ABCC2: variants seen among roughly 807,000 people sequenced by gnomAD.
ABCC2 encodes the protein ATP binding cassette subfamily C member 2.
A neutral mutation model predicts 173.4 loss-of-function variants in ABCC2; 157 were observed. That is an observed-to-expected ratio of 0.91 (90% CI 0.80 to 1.03). The LOEUF is 1.03. Ranked by LOEUF, ABCC2 falls within the 50% of genes least tolerant of loss-of-function variation. The pLI, the probability that ABCC2 is intolerant of heterozygous loss-of-function variation, is 0.00. For missense variants in ABCC2, 1,822 were observed against 1,852.3 expected (o/e 0.98, Z 0.30); for synonymous variants, 657 against 693.5 (o/e 0.95, Z 0.83).
intron 1 of ABCC2, 113 bp from the exon 2 acceptor site, chr10:99,784,495 G>C (rs554325942): frequency 1.8e-6 from 2 of 1,111,496 alleles, no homozygotes; most frequent in Admixed American, 1.7e-5. Context: ...GGTAAGGCTG[G>C]ATATGGATAT....
At chr10:99,793,714 G>A (rs754787828) in intron 4 of ABCC2, 29 bp downstream of exon 4, 12 of 1,613,886 alleles carry the variant, frequency 7.4e-6, no homozygotes, top group Non-Finnish European at 1.0e-5. Flanking sequence ...GATGACATGA[G>A]GAGGTACCAT....
At chr10:99,843,094 T>C (rs1342341167) in intron 26 of ABCC2, among the ~76,000 whole-genome samples, 1 of 151,942 alleles carries the variant, frequency 6.6e-6, no homozygotes, top group Non-Finnish European at 1.5e-5. Flanking sequence ...AATGTGTTCC[T>C]GCCAGGGCAC....
In ABCC2 at chr10:99,808,126, A is replaced by G; in HGVS notation, c.1712A>G (p.Asn571Ser). Reference sequence around the variant, plus strand: ...TCTGTTTATGTCCTGGTGGATAGCAACAATATTTTGGATGCACAAAAGGCC... The same window carrying G: ...TCTGTTTATGTCCTGGTGGATAGCAGCAATATTTTGGATGCACAAAAGGCC... ...TFSVYVLVDS[N>S]NILDAQKAFT... is the part of the protein sequence containing the mutation. The change falls in exon 13 of 32, where the codon AAC (asparagine) becomes AGC (serine). Residue 571 changes from asparagine (N) to serine (S), a missense_variant. Coordinates refer to ENST00000647814, the MANE Select transcript of ABCC2 (RefSeq NM_000392.5). The G allele has an allele frequency of 6.2e-7, 1 of 1,614,164 alleles. No homozygotes were observed. The highest frequency in any genetic ancestry group is 8.5e-7 in the Non-Finnish European group (1 of 1,180,008).
At chr10:99,847,989 A>G (rs2039042218) in intron 30 of ABCC2, among the ~76,000 whole-genome samples, 1 of 152,238 alleles carries the variant, frequency 6.6e-6, no homozygotes, top group African/African-American at 2.4e-5. Context: ...ACACAATGTG[A>G]GCTTACACAT....
In ABCC2 at chr10:99,793,651, TC is replaced by T; in HGVS notation, c.436del (p.Gln146AsnfsTer5). On this transcript the variant is annotated frameshift_variant, in exon 4 of 32. Coordinates refer to ENST00000647814, the MANE Select transcript of ABCC2 (RefSeq NM_000392.5). LOFTEE classifies it high-confidence loss of function. The part of the protein sequence containing the change: ...FWILSILCGT[F>X]QFQTLIRTLL... ...ATTCTCTCGATACTCTGTGGCACTT[TC>T]CAATTTCAGACTCTGATCCGGACAC... 6.2e-7 allele frequency: 1 copy of T among 1,614,118 alleles called. No individual in the cohort carries two copies. The highest frequency in any genetic ancestry group is 8.5e-7 in the Non-Finnish European group (1 of 1,179,998).
In ABCC2 at chr10:99,797,259, C is replaced by A; in HGVS notation, c.795C>A (p.Ser265=). The A allele has an allele frequency of 6.2e-7, 1 of 1,614,016 alleles. No individual in the cohort carries two copies. The highest frequency in any genetic ancestry group is 1.1e-5 in the South Asian group (1 of 91,058). The change falls in exon 7 of 32, where the codon TCC becomes TCA. Residue 265 remains serine, a synonymous_variant. Coordinates refer to ENST00000647814, the MANE Select transcript of ABCC2 (RefSeq NM_000392.5). The part of the protein sequence containing the change: ...RALQRRQEKS[S]QQNSGARLPG... ...TCCAGAGACGGCAGGAGAAGAGCTC[C>A]CAGCAGAACTCTGGAGCCAGGCTGC... is the stretch of plus-strand genomic sequence containing the variant.
chr10:99,804,842 C>T (rs1163779806), intron 10 of ABCC2, among the ~76,000 whole-genome samples: 1 of 152,242 alleles, frequency 6.6e-6, no homozygotes, highest in Non-Finnish European at 1.5e-5. Flanking sequence ...TCTTACTTCT[C>T]TGAGAACACA....
chr10:99,802,425 A>G (rs2038028696), intron 9 of ABCC2, among the ~76,000 whole-genome samples: 1 of 152,122 alleles, frequency 6.6e-6, no homozygotes, highest in Non-Finnish European at 1.5e-5. Flanking sequence ...GACAAGGGCT[A>G]CTGGGACTGT....
chr10:99,790,316 A>G (rs1276637023), intron 2 of ABCC2, among the ~76,000 whole-genome samples: 1 of 152,196 alleles, frequency 6.6e-6, no homozygotes, highest in Non-Finnish European at 1.5e-5. Flanking sequence ...GGTTAAGCAC[A>G]TGTTCATATG....
At chr10:99,791,187 C>G (rs2037805810) in intron 2 of ABCC2, among the ~76,000 whole-genome samples, 1 of 152,168 alleles carries the variant, frequency 6.6e-6, no homozygotes, top group Admixed American at 6.5e-5. Flanking sequence ...GCAGGCAGAT[C>G]ACCTGAGATC....
Position 99,832,112 on chromosome 10 carries a change from T to C in ABCC2, c.3239T>C (p.Ile1080Thr), listed in dbSNP as rs138221862. The change falls in exon 23 of 32, where the codon ATT becomes ACT. Residue 1080 changes from isoleucine to threonine, a missense_variant. Transcript: ENST00000647814. Reference sequence around the variant, plus strand: ...TTTGACACAACACCCACAGGCCGGATTGTGAACAGGTTTGCCGGCGTAAGT... The same window carrying C: ...TTTGACACAACACCCACAGGCCGGACTGTGAACAGGTTTGCCGGCGTAAGT... ...RFFDTTPTGR[I>T]VNRFAGDIST... The C allele has an allele frequency of 3.8e-4, 607 of 1,614,190 alleles. No homozygotes were observed. The highest frequency in any genetic ancestry group is 4.9e-4 in the Non-Finnish European group (583 of 1,180,018).
intron 1 of ABCC2, among the ~76,000 whole-genome samples, chr10:99,783,643 T>C (rs2037654571): frequency 6.6e-6 from 1 of 152,220 alleles, no homozygotes. Flanking sequence ...TAAGTGATTC[T>C]TCTGAATTCT....
intron 15 of ABCC2, among the ~76,000 whole-genome samples, chr10:99,812,058 G>A (rs2038225622): frequency 6.6e-6 from 1 of 152,188 alleles, no homozygotes; most frequent in South Asian, 2.1e-4. Context: ...ATGTGTAATA[G>A]CACACCCAAT....
At chr10:99,791,675 C>T (rs896453228) in intron 2 of ABCC2, among the ~76,000 whole-genome samples, 27 of 152,154 alleles carry the variant, frequency 1.8e-4, no homozygotes, top group Non-Finnish European at 2.6e-4. Context: ...GCTTCTAAGA[C>T]GACTGTCACA....
rs533028445 is a variant in ABCC2 at position 99,850,932 on chromosome 10, T to A, written c.4508+136T>A. ...TGATGAAGAAACTGAGACTTAGAGATGTCAAGTAATCTGGCCAAAATTTTA... is the reference window on the plus strand; with the variant it reads ...TGATGAAGAAACTGAGACTTAGAGAAGTCAAGTAATCTGGCCAAAATTTTA... On this transcript the variant is annotated intron_variant, in intron 31 of 31. Transcript: ENST00000647814. 6.1e-6 allele frequency: 7 copies of A among 1,154,870 alleles called. No individual in the cohort carries two copies. The East Asian group carries it at 1.5e-4, about 24-fold the overall frequency. The allele number at this position is 1,154,870 out of a possible 1,614,324, so 71.5% of individuals were successfully genotyped here.
rs140642817 is a variant in ABCC2, at chr10:99,793,585, G to C, written c.368G>C (p.Trp123Ser). The change falls in exon 4 of 32, where the codon TGG (tryptophan) becomes TCG (serine). Residue 123 changes from tryptophan (W) to serine (S), a missense_variant. Physicochemically the swap from Trp to Ser is radical, Grantham distance 177 (BLOSUM62 -3). Transcript: ENST00000647814. ...LVLLIQYSRQ[W>S]CVQKNSWFLS... ...TTGCTGATCCAATACAGCAGACAAT[G>C]GTGTGTACAGAAAAACTCCTGGTTC... is the stretch of plus-strand genomic sequence containing the variant. 2 of 1,614,062 alleles carry C rather than the reference G, an allele frequency of 1.2e-6. No homozygotes were observed. The highest frequency in any genetic ancestry group is 2.2e-5 in the South Asian group (2 of 91,080).
intron 20 of ABCC2, 76 bp from the exon 21 acceptor site, chr10:99,830,640 T>C: frequency 6.2e-6 from 10 of 1,606,466 alleles, no homozygotes; most frequent in Non-Finnish European, 8.5e-6. Context: ...TGATGCCAGC[T>C]GAGTGACTGT....
Position 99,830,340 on chromosome 10 carries a change from A to T in ABCC2, c.2654A>T (p.Tyr885Phe). The change falls in exon 20 of 32, where the codon TAT becomes TTT. Residue 885 changes from tyrosine to phenylalanine, a missense_variant. Tyr to Phe is a conservative substitution (Grantham distance 22). Transcript: ENST00000647814. The stretch of plus-strand genomic sequence containing the variant: ...GGCAGTGAAGAAGAAGACGATGACT[A>T]TGGGCTGATATCCAGTGTGGAAGAG... ...HDGSEEEDDD[Y>F]GLISSVEEIP... 6.2e-7 allele frequency: 1 copy of T among 1,614,144 alleles called. No individual in the cohort carries two copies. Among genetic ancestry groups the T allele is most frequent in the Non-Finnish European group, 8.5e-7 (1 of 1,180,020 alleles).
At position 99,797,133 on chromosome 10, in the gene ABCC2, C is replaced by A; in HGVS notation, c.669C>A (p.Leu223=). Residue 223 remains leucine (L), a synonymous_variant, in exon 7 of 32, where the codon CTC becomes CTA. Coordinates refer to ENST00000647814, the MANE Select transcript of ABCC2 (RefSeq NM_000392.5). ...AAGGCTACAAGCGTCCTCTGACACT[C>A]GAGGATGTCTGGGAAGTTGATGAAG... ...ILKGYKRPLT[L]EDVWEVDEEM... 2 of 1,614,034 alleles carry A rather than the reference C, an allele frequency of 1.2e-6. No individual in the cohort carries two copies. Among genetic ancestry groups the A allele is most frequent in the Non-Finnish European group, 1.7e-6 (2 of 1,179,990 alleles).
Sources: gnomAD v4.1 joint callset for allele counts (sites outside exome capture counted in the v4.1 genomes callset) on GRCh38, gnomAD v4.1.1 for gene constraint, MANE v1.5 for transcripts, NCBI Gene and HGNC (gene_info 2026-07-23, HGNC 2026-07-21) for gene names.